The following SLFN12L variants were observed in gnomAD, a reference collection of about 807,000 sequenced individuals.
SLFN12L encodes the protein schlafen family member 12-like.
Under a neutral mutation model 34.8 loss-of-function variants are expected in SLFN12L, and 34 were observed. The ratio of observed to expected loss-of-function variants is 0.98; its 90% CI spans 0.74 to 1.30. SLFN12L has a LOEUF of 1.30. SLFN12L is among the 50% of genes most tolerant of loss of function. The probability of loss-of-function intolerance (pLI) is 0.00; values close to 1 mark genes in which losing one functional copy is unlikely to be tolerated. For missense variants in SLFN12L, 703 were observed against 696.2 expected (o/e 1.01, Z -0.11); for synonymous variants, 259 against 247.5 (o/e 1.05, Z -0.44).
At chr17:35,522,012 T>G (rs920635556) in intron 2 of SLFN12L, among the ~76,000 whole-genome samples, 1 of 151,986 alleles carries the variant, frequency 6.6e-6, no homozygotes, top group Non-Finnish European at 1.5e-5. Flanking sequence ...GAGATATACC[T>G]AATGTTAAAT....
rs1028255176 is a variant in SLFN12L, at chr17:35,473,567, A to G, written c.*1356T>C. The G allele has an allele frequency of 9.2e-5, 14 of 152,164 alleles. No homozygotes were observed. Among genetic ancestry groups the G allele is most frequent in the African/African-American group, 3.4e-4 (14 of 41,432 alleles). 9.4% of individuals were successfully genotyped at this position (152,164 alleles called of 1,614,324 possible). Reference sequence around the variant, plus strand: ...GATTCGGTTTGCCAGTATTTTATTGATGATTTTTGCAATGATGTTCATCAG... The same window carrying G: ...GATTCGGTTTGCCAGTATTTTATTGGTGATTTTTGCAATGATGTTCATCAG... On this transcript the variant is annotated 3_prime_UTR_variant, in exon 5 of 5. Coordinates refer to ENST00000628453, the MANE Select transcript of SLFN12L (RefSeq NM_001363830.2).
intron 1 of SLFN12L, among the ~76,000 whole-genome samples, chr17:35,523,444 C>T (rs1054618107): frequency 9.9e-5 from 15 of 152,156 alleles, no homozygotes; most frequent in African/African-American, 2.9e-4. Flanking sequence ...GAGGAAGTTA[C>T]GTAAAAGCTT....
intron 4 of SLFN12L, among the ~76,000 whole-genome samples, chr17:35,477,584 A>G (rs1266072818): frequency 6.6e-6 from 1 of 152,174 alleles, no homozygotes; most frequent in African/African-American, 2.4e-5. Context: ...AATCAGTAAG[A>G]AAAAGATAAA....
At position 35,492,692 on chromosome 17, in the gene SLFN12L, G is replaced by A. The variant is rs150570546; in HGVS notation, c.87-12497C>T. On this transcript the variant is annotated intron_variant, in intron 2 of 4. Transcript: ENST00000628453. ...TCAGGAATGGTGTCCCAAGTTGGAG[G>A]TTTTGTGTCAGCTGCAAATCCTACC... 8.4e-3 allele frequency among the ~76,000 whole-genome samples: 1,279 copies of A among 152,254 alleles called. 24 individuals carry two copies. The highest frequency in any genetic ancestry group is 0.029 in the African/African-American group (1,218 of 41,542).
chr17:35,513,210 A>G (rs1005212419), intron 2 of SLFN12L, among the ~76,000 whole-genome samples: 1 of 152,188 alleles, frequency 6.6e-6, no homozygotes, highest in African/African-American at 2.4e-5. Flanking sequence ...TGGCAAACCC[A>G]CAAGGTATCT....
intron 1 of SLFN12L, among the ~76,000 whole-genome samples, chr17:35,525,971 G>A (rs1201678916): frequency 6.6e-5 from 10 of 152,024 alleles, no homozygotes; most frequent in African/African-American, 9.7e-5. Context: ...CCCACCTCAC[G>A]TGCAAAGACA....
chr17:35,535,155 G>A (rs577626156), intron 1 of SLFN12L, among the ~76,000 whole-genome samples: 13 of 150,734 alleles, frequency 8.6e-5, no homozygotes, highest in South Asian at 2.1e-4. Context: ...CCAAATGCTA[G>A]TGTTTCTAAT....
chr17:35,480,324 A>G, intron 2 of SLFN12L, 129 bp from the exon 3 acceptor site: 1 of 623,514 alleles, frequency 1.6e-6, no homozygotes. Context: ...GGTCTGAGAT[A>G]ACTAATTTCT....
At chr17:35,505,954 G>A (rs1275395396) in intron 2 of SLFN12L, among the ~76,000 whole-genome samples, 1 of 152,174 alleles carries the variant, frequency 6.6e-6, no homozygotes, top group African/African-American at 2.4e-5. Context: ...ACAAAAAGTT[G>A]CTACAGTCTT....
chr17:35,495,690 A>G (rs1172305420), intron 2 of SLFN12L, among the ~76,000 whole-genome samples: 2 of 57,398 alleles, frequency 3.5e-5, no homozygotes, highest in African/African-American at 1.4e-4. Context: ...CACCCCCACC[A>G]GTCCGATTCT....
intron 3 of SLFN12L, chr17:35,478,540 G>A (rs939814223): frequency 1.6e-5 from 3 of 190,270 alleles, no homozygotes; most frequent in Admixed American, 1.3e-4. Context: ...CAGATTCTGA[G>A]GAACAAGTTT....
rs142292183 is a variant in SLFN12L, at chr17:35,531,191, T to C, written c.-606+6382A>G. Among the ~76,000 whole-genome samples the C allele has an allele frequency of 4.2e-3, 633 of 152,378 alleles. 5 individuals are homozygous for C. Among genetic ancestry groups the C allele is most frequent in the African/African-American group, 0.015 (610 of 41,586 alleles). On this transcript the variant is annotated intron_variant, in intron 1 of 4. Coordinates refer to ENST00000628453, the MANE Select transcript of SLFN12L (RefSeq NM_001363830.2). ...TTAATTAACAAGATTAAAAGTTTTG[T>C]TTTTCCTTGTTTTGCTTTTTTGTCT...
chr17:35,482,596 G>A (rs1305078361), intron 2 of SLFN12L, among the ~76,000 whole-genome samples: 1 of 152,206 alleles, frequency 6.6e-6, no homozygotes, highest in African/African-American at 2.4e-5. Flanking sequence ...AGGCATCTCT[G>A]CACTCTTGGG....
chr17:35,508,327 G>A (rs780315497), intron 2 of SLFN12L, among the ~76,000 whole-genome samples: 8 of 152,244 alleles, frequency 5.3e-5, no homozygotes, highest in Middle Eastern at 3.4e-3. Flanking sequence ...TCTACAACTC[G>A]GTGTCTGAGT....
At chr17:35,489,186 C>G (rs1480539403) in intron 2 of SLFN12L, among the ~76,000 whole-genome samples, 1 of 152,176 alleles carries the variant, frequency 6.6e-6, no homozygotes, top group Non-Finnish European at 1.5e-5. Flanking sequence ...CAGTCACTGA[C>G]TTACAAAATG....
In SLFN12L at chr17:35,470,196, T is replaced by C. The variant is rs1913783412; in HGVS notation, c.*4727A>G. On this transcript the variant is annotated 3_prime_UTR_variant, in exon 5 of 5. Coordinates refer to ENST00000628453, the MANE Select transcript of SLFN12L (RefSeq NM_001363830.2). The stretch of plus-strand genomic sequence containing the variant: ...TTTCCTACTGCAAAACTATGTTCCA[T>C]GTAGATCTGGCCCATCTTGAGGCTA... 1 of 152,384 alleles carries C rather than the reference T, an allele frequency of 6.6e-6. No homozygotes were observed. The highest frequency in any genetic ancestry group is 1.9e-4 in the East Asian group (1 of 5,208). 9.4% of individuals were successfully genotyped at this position (152,384 alleles called of 1,614,324 possible).
rs764822462 is a variant in SLFN12L, at chr17:35,480,026, C to T, written c.256G>A (p.Val86Ile). 10 of 1,614,166 alleles carry T rather than the reference C, an allele frequency of 6.2e-6. No homozygotes were observed. Among genetic ancestry groups the T allele is most frequent in the Non-Finnish European group, 5.1e-6 (6 of 1,180,024 alleles). Reference protein sequence around the residue: ...CQLRKQQNENVSRAVCALLNS... With the variant: ...CQLRKQQNENISRAVCALLNS... The stretch of plus-strand genomic sequence containing the variant: ...AGCAGAGCACACACAGCTCGTGAGA[C>T]ATTTTCATTCTGCTGTTTTCTCAGT... The change falls in exon 3 of 5, where the codon GTC becomes ATC. Residue 86 changes from valine to isoleucine, a missense_variant. Transcript: ENST00000628453.
At chr17:35,499,712 A>G (rs1378723562) in intron 2 of SLFN12L, 3 of 279,046 alleles carry the variant, frequency 1.1e-5, no homozygotes, top group Non-Finnish European at 1.6e-5. Flanking sequence ...TATCCTGTGG[A>G]TCCATGTACC....
intron 1 of SLFN12L, among the ~76,000 whole-genome samples, chr17:35,529,638 G>A (rs2072371297): frequency 7.1e-6 from 1 of 140,374 alleles, no homozygotes; most frequent in African/African-American, 2.7e-5. Flanking sequence ...AGTGGGAGTT[G>A]AACAATGAGA....
Sources: gnomAD v4.1 joint callset for allele counts (sites outside exome capture counted in the v4.1 genomes callset) on GRCh38, gnomAD v4.1.1 for gene constraint, MANE v1.5 for transcripts, NCBI Gene and HGNC (gene_info 2026-07-23, HGNC 2026-07-21) for gene names.